RORA: variants seen among roughly 807,000 people sequenced by gnomAD.
RORA encodes nuclear receptor ROR-alpha.
In RORA, 7 loss-of-function variants were observed where a neutral mutation model predicts 69.5. The ratio of observed to expected loss-of-function variants is 0.10; its 90% CI spans 0.06 to 0.19. The LOEUF (loss-of-function observed/expected upper bound fraction) is 0.19, where lower values mean the gene tolerates loss of function less well. RORA is among the 10% of genes least tolerant of loss of function. The pLI, the probability that RORA is intolerant of heterozygous loss-of-function variation, is 1.00. For missense variants in RORA, 457 were observed against 663.0 expected (o/e 0.69, Z 3.41); for synonymous variants, 261 against 240.8 (o/e 1.08, Z -0.78).
At chr15:60,819,755 A>ACACACACACACACACACACACGCG (rs1567202017) in intron 1 of RORA, among the ~76,000 whole-genome samples, 5 of 53,838 alleles carry the variant, frequency 9.3e-5, no homozygotes, top group African/African-American at 2.0e-4. Flanking sequence ...AGACACACAC[A>ACACACACACACACACACACACGCG]CACACACACA....
intron 2 of RORA, among the ~76,000 whole-genome samples, chr15:60,557,345 G>T (rs896185071): frequency 1.3e-5 from 2 of 152,212 alleles, no homozygotes; most frequent in Non-Finnish European, 2.9e-5. Context: ...CTGGCACTAC[G>T]AGAGGATGTA....
chr15:60,878,499 AT>A (rs1450203451), intron 1 of RORA, among the ~76,000 whole-genome samples: 1 of 152,182 alleles, frequency 6.6e-6, no homozygotes, highest in Non-Finnish European at 1.5e-5. Context: ...AGGGAAAATC[AT>A]GGCTCAGAAA....
intron 1 of RORA, among the ~76,000 whole-genome samples, chr15:60,707,642 C>A (rs1445307905): frequency 6.6e-6 from 1 of 152,136 alleles, no homozygotes; most frequent in African/African-American, 2.4e-5. Context: ...GGATTACAGG[C>A]GTGAGCCACC....
At chr15:60,691,327 G>A (rs2070821140) in intron 1 of RORA, among the ~76,000 whole-genome samples, 1 of 152,152 alleles carries the variant, frequency 6.6e-6, no homozygotes, top group Non-Finnish European at 1.5e-5. Flanking sequence ...TGATACAGTT[G>A]TATGTCTTCC....
chr15:61,186,204 C>T (rs959675323), intron 1 of RORA, among the ~76,000 whole-genome samples: 1 of 152,186 alleles, frequency 6.6e-6, no homozygotes, highest in Non-Finnish European at 1.5e-5. Flanking sequence ...CCTTGCTCAG[C>T]ACACTGCAAC....
At chr15:60,592,362 G>A (rs1238965790) in intron 2 of RORA, 2 of 1,403,842 alleles carry the variant, frequency 1.4e-6, no homozygotes, top group South Asian at 1.5e-5. Context: ...AGCCCACCCG[G>A]CCCCGGCGGG....
intron 1 of RORA, among the ~76,000 whole-genome samples, chr15:60,793,671 C>T (rs1374493806): frequency 1.3e-5 from 2 of 152,210 alleles, no homozygotes; most frequent in East Asian, 3.8e-4. Context: ...CTTGAGCCTC[C>T]AAGGACTGGG....
chr15:60,726,366 G>A (rs929986429), intron 1 of RORA, among the ~76,000 whole-genome samples: 3 of 152,106 alleles, frequency 2.0e-5, no homozygotes, highest in Non-Finnish European at 2.9e-5. Context: ...TTGTTGTCTC[G>A]GGATTGCAAA....
intron 1 of RORA, among the ~76,000 whole-genome samples, chr15:61,180,250 A>G (rs2079671120): frequency 6.6e-6 from 1 of 151,978 alleles, no homozygotes; most frequent in Non-Finnish European, 1.5e-5. Context: ...GGATCCAGGT[A>G]GGTAGCAGTA....
intron 1 of RORA, among the ~76,000 whole-genome samples, chr15:60,944,099 T>C (rs1595834596): frequency 6.6e-6 from 1 of 151,924 alleles, no homozygotes; most frequent in Non-Finnish European, 1.5e-5. Context: ...CTCATATGAG[T>C]TGTCCATCTG....
Position 60,753,831 on chromosome 15 carries a change from A to G in RORA, c.167-75145T>C, listed in dbSNP as rs137894561. 2.7e-3 allele frequency among the ~76,000 whole-genome samples: 408 copies of G among 152,346 alleles called. 5 individuals carry two copies. The highest frequency in any genetic ancestry group is 0.022 in the East Asian group (112 of 5,186). ...GCATGAATTTCTATTGCTTTAGTCC[A>G]GTGATTACAGCACTTGATTCTTTTT... is the stretch of plus-strand genomic sequence containing the variant. On this transcript the variant is annotated intron_variant, in intron 1 of 10. Coordinates refer to ENST00000335670, the MANE Select transcript of RORA (RefSeq NM_134261.3).
At position 60,717,796 on chromosome 15, in the gene RORA, CTTTTTTTT is replaced by C. The variant is rs10653856; in HGVS notation, c.167-39118_167-39111del. Among the ~76,000 whole-genome samples, 19 of 91,974 alleles carry C rather than the reference CTTTTTTTT, an allele frequency of 2.1e-4. 1 individual carries two copies. The Admixed American group carries it at 2.4e-3, about 12-fold the overall frequency. The allele number at this position is 91,974 out of a possible 152,430, so 60.3% of individuals were successfully genotyped here. On this transcript the variant is annotated intron_variant, in intron 1 of 10. Transcript: ENST00000335670. ...CTTCTTCTTTCTTTTTTCTTTTTCT[CTTTTTTTT>C]TTTTTTTTTTTTTGAGACATTGTCT...
rs141949795 is a variant in RORA at position 61,061,859 on chromosome 15, T to C, written c.166+167194A>G. ...AGGTGGATCACTTGAGGTCAGGAGTTCGAGACCAGCCTGGCCAACATGGTG... is the reference window on the plus strand; with the variant it reads ...AGGTGGATCACTTGAGGTCAGGAGTCCGAGACCAGCCTGGCCAACATGGTG... On this transcript the variant is annotated intron_variant, in intron 1 of 10. Transcript: ENST00000335670. The surrounding 1 kb of genome is among the most constrained non-coding windows in gnomAD (Gnocchi z 4.4). Among the ~76,000 whole-genome samples the C allele has an allele frequency of 3.1e-3, 472 of 152,178 alleles. 20 individuals are homozygous for C. In the East Asian group the frequency reaches 0.07, roughly 23 times the overall value.
chr15:61,023,965 T>C (rs1161196176), intron 1 of RORA, among the ~76,000 whole-genome samples: 1 of 152,168 alleles, frequency 6.6e-6, no homozygotes, highest in East Asian at 1.9e-4. Flanking sequence ...CAATTTGGCA[T>C]GTCCAGTTAC....
intron 1 of RORA, among the ~76,000 whole-genome samples, chr15:61,167,737 T>C (rs2079550725): frequency 6.6e-6 from 1 of 152,188 alleles, no homozygotes; most frequent in Non-Finnish European, 1.5e-5. Context: ...TAATACAGCA[T>C]CTCAACCACC....
intron 10 of RORA, among the ~76,000 whole-genome samples, chr15:60,498,766 G>T (rs999320114): frequency 5.3e-5 from 8 of 151,324 alleles, no homozygotes; most frequent in African/African-American, 1.7e-4. Context: ...TCCCATTCCT[G>T]CCCGTTTGCT....
chr15:60,944,841 C>T (rs1393227298), intron 1 of RORA, among the ~76,000 whole-genome samples: 2 of 152,124 alleles, frequency 1.3e-5, no homozygotes, highest in Non-Finnish European at 2.9e-5. Context: ...TAAAACTGCA[C>T]CCCAGACTCC....
rs987898204 is a variant in RORA at position 61,196,084 on chromosome 15, C to A, written c.166+32969G>T. The A allele has an allele frequency of 2.6e-5, 4 of 152,182 alleles. No individual in the cohort carries two copies. The East Asian group carries it at 7.7e-4, about 29-fold the overall frequency. 9.4% of individuals were successfully genotyped at this position (152,182 alleles called of 1,614,324 possible). On this transcript the variant is annotated intron_variant, in intron 1 of 10. Coordinates refer to ENST00000335670, the MANE Select transcript of RORA (RefSeq NM_134261.3). Reference sequence around the variant, plus strand: ...CTCACTGCTATTTTAGTAGCAAAACCCACAATTGCTTTTGCACCAACCTAA... The same window carrying A: ...CTCACTGCTATTTTAGTAGCAAAACACACAATTGCTTTTGCACCAACCTAA...
intron 2 of RORA, among the ~76,000 whole-genome samples, chr15:60,596,301 G>A (rs1188915491): frequency 6.6e-6 from 1 of 152,030 alleles, no homozygotes; most frequent in Non-Finnish European, 1.5e-5. Flanking sequence ...CCCAGGCCCT[G>A]CGTCTCTCTC....
Sources: allele counts gnomAD v4.1 joint callset (sites outside exome capture counted in the v4.1 genomes callset), GRCh38; gene constraint gnomAD v4.1.1; non-coding constraint Gnocchi (gnomAD v3.1); transcripts MANE v1.5; gene names NCBI Gene and HGNC (gene_info 2026-07-23, HGNC 2026-07-21).